GABRA1: variants seen among roughly 807,000 people sequenced by gnomAD.
GABRA1 encodes gamma-aminobutyric acid receptor subunit alpha-1.
Under a neutral mutation model 48.9 loss-of-function variants are expected in GABRA1, and 9 were observed. The observed-to-expected ratio is 0.18, with a 90% CI of 0.11 to 0.32. GABRA1 has a LOEUF of 0.32. Ranked by LOEUF, GABRA1 falls within the 10% of genes least tolerant of loss-of-function variation. The probability of loss-of-function intolerance (pLI) is 1.00; values close to 1 mark genes in which losing one functional copy is unlikely to be tolerated. For synonymous variants in GABRA1, 210 were observed against 198.7 expected (o/e 1.06, Z -0.48); for missense variants, 285 against 553.8 (o/e 0.51, Z 4.87).
intron 7 of GABRA1, 51 bp from the exon 8 acceptor site, chr5:161,890,847 C>T: frequency 6.4e-7 from 1 of 1,561,152 alleles, no homozygotes; most frequent in Admixed American, 1.7e-5. Context: ...TCAGAGATTA[C>T]CTTTTTCTAA....
At chr5:161,869,893 G>A (rs185528128) in intron 4 of GABRA1, among the ~76,000 whole-genome samples, 2 of 151,920 alleles carry the variant, frequency 1.3e-5, no homozygotes, top group Non-Finnish European at 2.9e-5. Flanking sequence ...ACTTGGTTTC[G>A]GCCACCTTCT....
At chr5:161,879,736 A>G (rs1228200136) in intron 6 of GABRA1, among the ~76,000 whole-genome samples, 4 of 152,146 alleles carry the variant, frequency 2.6e-5, no homozygotes, top group Non-Finnish European at 4.4e-5. Flanking sequence ...CACCTTCACA[A>G]TGATGTCATG....
chr5:161,895,170 G>A (rs1031105840), intron 8 of GABRA1, among the ~76,000 whole-genome samples: 2 of 152,032 alleles, frequency 1.3e-5, no homozygotes, highest in African/African-American at 4.8e-5. Flanking sequence ...AGTCAATAAA[G>A]TGGCAATTTT....
intron 3 of GABRA1, among the ~76,000 whole-genome samples, chr5:161,864,787 G>A (rs1338142792): frequency 6.9e-6 from 1 of 144,152 alleles, no homozygotes; most frequent in Non-Finnish European, 1.5e-5. Flanking sequence ...TATTCCCGGG[G>A]AAAAATATAA....
At chr5:161,861,452 A>G (rs921275116) in intron 3 of GABRA1, among the ~76,000 whole-genome samples, 1 of 151,912 alleles carries the variant, frequency 6.6e-6, no homozygotes, top group Non-Finnish European at 1.5e-5. Flanking sequence ...CAGTGGAAAT[A>G]AGATAAATAG....
intron 3 of GABRA1, among the ~76,000 whole-genome samples, chr5:161,865,192 G>A (rs571619218): frequency 6.6e-6 from 1 of 151,982 alleles, no homozygotes; most frequent in African/African-American, 2.4e-5. Flanking sequence ...ACTTATATGG[G>A]ATGTCATATT....
intron 2 of GABRA1, 98 bp from the exon 3 acceptor site, chr5:161,854,060 G>A: frequency 1.6e-6 from 1 of 639,392 alleles, no homozygotes; most frequent in African/African-American, 1.8e-5. Flanking sequence ...AGATTCAGTA[G>A]AAACCAAAGT....
chr5:161,861,735 G>A (rs1374682037), intron 3 of GABRA1, among the ~76,000 whole-genome samples: 1 of 151,916 alleles, frequency 6.6e-6, no homozygotes, highest in Non-Finnish European at 1.5e-5. Context: ...TCAGCAGGGA[G>A]CTGGAACATT....
At chr5:161,877,855 G>C (rs1183657944) in intron 6 of GABRA1, among the ~76,000 whole-genome samples, 1 of 152,036 alleles carries the variant, frequency 6.6e-6, no homozygotes, top group Admixed American at 6.6e-5. Context: ...CTCTTCCCTT[G>C]GTTCTTAGCA....
intron 7 of GABRA1, among the ~76,000 whole-genome samples, 168 bp from the exon 8 acceptor site, chr5:161,890,730 G>A (rs1052957268): frequency 6.6e-6 from 1 of 152,120 alleles, no homozygotes; most frequent in African/African-American, 2.4e-5. Context: ...TGTGTGTTAA[G>A]TATGTCTCTT....
Position 161,882,571 on chromosome 5 carries a change from A to T in GABRA1, c.573A>T (p.Arg191Ser). Residue 191 changes from arginine to serine, a missense_variant, in exon 7 of 10, where the codon AGA becomes AGT. Transcript: ENST00000393943. ...GTTTCCTTTTAGATGCTTATACAAG[A>T]GCAGAAGTTGTTTATGAATGGACCA... is the stretch of plus-strand genomic sequence containing the variant. ...PLKFGSYAYT[R>S]AEVVYEWTRE... The T allele has an allele frequency of 6.2e-7, 1 of 1,613,518 alleles. No individual in the cohort carries two copies.
chr5:161,865,676 G>T (rs1426144834), intron 3 of GABRA1, 45 bp from the exon 4 acceptor site: 2 of 1,475,884 alleles, frequency 1.4e-6, no homozygotes, highest in Non-Finnish European at 1.9e-6. Flanking sequence ...GATCTAATAA[G>T]GACGGTTGAC....
intron 1 of GABRA1, among the ~76,000 whole-genome samples, chr5:161,849,427 A>T: frequency 6.6e-6 from 1 of 152,326 alleles, no homozygotes; most frequent in East Asian, 1.9e-4. Flanking sequence ...GTCATAGTCA[A>T]CTAATCTGTT....
intron 5 of GABRA1, among the ~76,000 whole-genome samples, chr5:161,875,145 A>G (rs1017573792): frequency 3.9e-5 from 6 of 152,166 alleles, no homozygotes; most frequent in Admixed American, 3.9e-4. Context: ...AGAGAGATGC[A>G]CTTAGAACAG....
At chr5:161,865,080 C>A (rs1378089756) in intron 3 of GABRA1, among the ~76,000 whole-genome samples, 2 of 151,920 alleles carry the variant, frequency 1.3e-5, no homozygotes, top group African/African-American at 4.8e-5. Context: ...TATGTGCCAT[C>A]AGAGAACAAT....
At chr5:161,869,855 C>T (rs963211552) in intron 4 of GABRA1, among the ~76,000 whole-genome samples, 3 of 152,116 alleles carry the variant, frequency 2.0e-5, no homozygotes, top group African/African-American at 7.2e-5. Flanking sequence ...TCCACGGAGT[C>T]CCCTCTTCTG....
intron 3 of GABRA1, among the ~76,000 whole-genome samples, chr5:161,861,330 C>T (rs968057231): frequency 6.6e-6 from 1 of 151,808 alleles, no homozygotes; most frequent in Non-Finnish European, 1.5e-5. Flanking sequence ...AAAAAGACTT[C>T]TACTGACCAA....
At chr5:161,895,535 A>T in intron 8 of GABRA1, 131 bp from the exon 9 acceptor site, 1 of 833,416 alleles carries the variant, frequency 1.2e-6, no homozygotes, top group Middle Eastern at 3.2e-4. Flanking sequence ...TTCTAAACCA[A>T]AATAAGATGG....
At chr5:161,894,001 T>C (rs1561586824) in intron 8 of GABRA1, among the ~76,000 whole-genome samples, 1 of 152,160 alleles carries the variant, frequency 6.6e-6, no homozygotes, top group Non-Finnish European at 1.5e-5. Context: ...AAAATACCCG[T>C]TACCACATTA....
Sources: allele counts gnomAD v4.1 joint callset (sites outside exome capture counted in the v4.1 genomes callset), GRCh38; gene constraint gnomAD v4.1.1; transcripts MANE v1.5; gene names NCBI Gene and HGNC (gene_info 2026-07-23, HGNC 2026-07-21).